NFIX: variants seen among roughly 807,000 people sequenced by gnomAD.
NFIX encodes nuclear factor I X.
A neutral mutation model predicts 53.3 loss-of-function variants in NFIX; 2 were observed. The observed-to-expected ratio is 0.04, with a 90% CI of 0.02 to 0.12. The LOEUF (loss-of-function observed/expected upper bound fraction) is 0.12, where lower values mean the gene tolerates loss of function less well. NFIX is among the 10% of genes least tolerant of loss of function. NFIX has a pLI of 1.00. For missense variants in NFIX, 310 were observed against 674.5 expected, an observed-to-expected ratio of 0.46 and a Z score of 5.99; for synonymous variants, 244 against 289.0, an observed-to-expected ratio of 0.84 and a Z score of 1.58.
In NFIX at chr19:12,998,175, T is replaced by C. The variant is rs1338355476; in HGVS notation, c.27+2311T>C. Among the ~76,000 whole-genome samples, 2 of 152,176 alleles carry C rather than the reference T, an allele frequency of 1.3e-5. No homozygotes were observed. Among genetic ancestry groups the C allele is most frequent in the Non-Finnish European group, 2.9e-5 (2 of 68,038 alleles). ...TCGGTCTCTGGTGTATTCTGCCCTT[T>C]TCCATCTCTCTTTCTCCATCTCTGT... is the stretch of plus-strand genomic sequence containing the variant. On this transcript the variant is annotated intron_variant, in intron 1 of 10. Transcript: ENST00000592199. The surrounding 1 kb of genome is among the most constrained non-coding windows in gnomAD (Gnocchi z 4.4).
chr19:13,061,253 C>A (rs1401545490), intron 2 of NFIX, among the ~76,000 whole-genome samples: 1 of 152,232 alleles, frequency 6.6e-6, no homozygotes, highest in Non-Finnish European at 1.5e-5. Flanking sequence ...AGTCCCCTTT[C>A]CATCCGGCCC....
At chr19:13,042,064 ATTT>A (rs34720058) in intron 2 of NFIX, among the ~76,000 whole-genome samples, 4 of 138,548 alleles carry the variant, frequency 2.9e-5, no homozygotes, top group Admixed American at 7.1e-5. Context: ...CACCTGGCTA[ATTT>A]TTTTTTTTTT....
Position 13,001,614 on chromosome 19 carries a change from TCACA to T in NFIX, c.27+5754_27+5757del, listed in dbSNP as rs1225188502. Among the ~76,000 whole-genome samples the T allele has an allele frequency of 6.6e-6, 1 of 152,192 alleles. No homozygotes were observed. The highest frequency in any genetic ancestry group is 1.5e-5 in the Non-Finnish European group (1 of 68,020). ...ACGGCAAAGAGTGTATCCGTGTGTC[TCACA>T]CACGTGTTGGCCTGTCCGTGTCAAC... On this transcript the variant is annotated intron_variant, in intron 1 of 10. Transcript: ENST00000592199. The surrounding 1 kb of genome is among the most constrained non-coding windows in gnomAD (Gnocchi z 6.5).
At chr19:13,000,419 TGGA>T (rs1386319458) in intron 1 of NFIX, among the ~76,000 whole-genome samples, 2 of 151,776 alleles carry the variant, frequency 1.3e-5, no homozygotes, top group South Asian at 2.1e-4. Flanking sequence ...GTGGACTGCC[TGGA>T]GGAGGAGGAG....
chr19:13,025,607 G>T lies in NFIX; in HGVS notation c.559+55G>T. On this transcript the variant is annotated intron_variant, in intron 2 of 10. Transcript: ENST00000592199. The surrounding 1 kb of genome is among the most constrained non-coding windows in gnomAD (Gnocchi z 7.5). ...CATTTTATTTTCCTTGCTGGCATTT[G>T]TTCTGTTTATTGTTCCTCTAATTTC... The T allele has an allele frequency of 6.4e-7, 1 of 1,570,576 alleles. No individual in the cohort carries two copies. The highest frequency in any genetic ancestry group is 8.6e-7 in the Non-Finnish European group (1 of 1,160,160).
intron 2 of NFIX, among the ~76,000 whole-genome samples, chr19:13,059,794 T>C (rs2015950387): frequency 7.2e-6 from 1 of 137,988 alleles, no homozygotes; most frequent in East Asian, 2.1e-4. Flanking sequence ...TTTTTTTTTT[T>C]TTTTTTTGAG....
rs1478983220 is a variant in NFIX, at chr19:13,002,368, C to G, written c.27+6504C>G. ...TCACTAAAGGAAGAAGGGCTAGCTC[C>G]CCAACCCCCCCTTCCTCACCACCTC... On this transcript the variant is annotated intron_variant, in intron 1 of 10. Transcript: ENST00000592199. This position sits in a 1 kb window ranked among gnomAD's most constrained non-coding sequence, Gnocchi z 6.1. 6.6e-6 allele frequency among the ~76,000 whole-genome samples: 1 copy of G among 152,030 alleles called. No individual in the cohort carries two copies. The highest frequency in any genetic ancestry group is 1.5e-5 in the Non-Finnish European group (1 of 67,962).
Position 12,998,053 on chromosome 19 carries a change from G to GT in NFIX, c.27+2194dup, listed in dbSNP as rs1235976469. ...GCCCCTCCCTAACAATCACATCTCT[G>GT]TTTTTACAAATCTTTCTGCTTCCAT... On this transcript the variant is annotated intron_variant, in intron 1 of 10. Transcript: ENST00000592199. The surrounding 1 kb of genome is among the most constrained non-coding windows in gnomAD (Gnocchi z 4.4). 6.6e-6 allele frequency among the ~76,000 whole-genome samples: 1 copy of GT among 152,120 alleles called. No homozygotes were observed. The highest frequency in any genetic ancestry group is 2.4e-5 in the African/African-American group (1 of 41,430).
In NFIX at chr19:13,090,214, C is replaced by T. The variant is rs983274779; in HGVS notation, c.1403-85C>T. 11 of 1,281,198 alleles carry T rather than the reference C, an allele frequency of 8.6e-6. No individual in the cohort carries two copies. The highest frequency in any genetic ancestry group is 1.5e-5 in the African/African-American group (1 of 68,268). The allele number at this position is 1,281,198 out of a possible 1,614,324, so 79.4% of individuals were successfully genotyped here. A position where few individuals can be genotyped will look rare whatever the true frequency, so the allele number is the denominator to read the frequency against. ...GCAGCATGGTCTAACTCAGTCTCTC[C>T]CTCTCTCAGCAGCCCCGAGGGGCAG... On this transcript the variant is annotated intron_variant, in intron 9 of 10. Transcript: ENST00000592199. This position sits in a 1 kb window ranked among gnomAD's most constrained non-coding sequence, Gnocchi z 6.6.
intron 5 of NFIX, 128 bp from the exon 6 acceptor site, chr19:13,075,407 C>G: frequency 9.8e-7 from 1 of 1,022,628 alleles, no homozygotes; most frequent in South Asian, 1.7e-5. Flanking sequence ...CCCAGAAATG[C>G]TGCTGTCGGC....
At chr19:13,010,692 C>T (rs571953563) in intron 1 of NFIX, among the ~76,000 whole-genome samples, 3 of 152,356 alleles carry the variant, frequency 2.0e-5, no homozygotes, top group African/African-American at 7.2e-5. Context: ...TCCGTGAGCC[C>T]GCTCTGGTGC....
At position 13,088,833 on chromosome 19, in the gene NFIX, C is replaced by G. The variant is rs2017959498; in HGVS notation, c.1402+697C>G. 6.6e-6 allele frequency among the ~76,000 whole-genome samples: 1 copy of G among 152,092 alleles called. No individual in the cohort carries two copies. The highest frequency in any genetic ancestry group is 1.5e-5 in the Non-Finnish European group (1 of 68,012). On this transcript the variant is annotated intron_variant, in intron 9 of 10. Transcript: ENST00000592199. The surrounding 1 kb of genome is among the most constrained non-coding windows in gnomAD (Gnocchi z 5.9). ...GCTTACTTCATCTCTCTCTCTGTCT[C>G]TCTTTCTTTTCTTTTCTTTTCTTTT... is the stretch of plus-strand genomic sequence containing the variant.
chr19:13,064,670 C>T (rs890702202), intron 2 of NFIX, among the ~76,000 whole-genome samples: 1 of 152,200 alleles, frequency 6.6e-6, no homozygotes, highest in Admixed American at 6.5e-5. Context: ...TGGGTCAAGA[C>T]ACCAAAAACT....
rs1433964063 is a variant in NFIX, at chr19:13,088,556, C to T, written c.1402+420C>T. ...TGTTGTTTCGTTGTTCCCCCCACAC[C>T]AAGAAAATCAAATGTAACCACAAGG... On this transcript the variant is annotated intron_variant, in intron 9 of 10. Coordinates refer to ENST00000592199, the MANE Select transcript of NFIX (RefSeq NM_001365902.3). This position sits in a 1 kb window ranked among gnomAD's most constrained non-coding sequence, Gnocchi z 5.9. Among the ~76,000 whole-genome samples the T allele has an allele frequency of 6.6e-6, 1 of 151,646 alleles. No homozygotes were observed. The highest frequency in any genetic ancestry group is 2.4e-5 in the African/African-American group (1 of 41,256).
Position 13,027,617 on chromosome 19 carries a change from T to TTG in NFIX, c.559+2067_559+2068dup, listed in dbSNP as rs2013471582. Among the ~76,000 whole-genome samples, 1 of 152,114 alleles carries TTG rather than the reference T, an allele frequency of 6.6e-6. No individual in the cohort carries two copies. The highest frequency in any genetic ancestry group is 2.1e-4 in the South Asian group (1 of 4,818). On this transcript the variant is annotated intron_variant, in intron 2 of 10. Transcript: ENST00000592199. This position sits in a 1 kb window ranked among gnomAD's most constrained non-coding sequence, Gnocchi z 4.3. ...CTCTGACTGGATCCTTGTAGCTGAG[T>TTG]TGTTTCCCTGGCCTCTTTTATTTTA...
chr19:13,059,979 G>T (rs1764695256), intron 2 of NFIX, among the ~76,000 whole-genome samples: 1 of 151,898 alleles, frequency 6.6e-6, no homozygotes. Flanking sequence ...TAGAGACGGG[G>T]TTTCACCATT....
intron 1 of NFIX, among the ~76,000 whole-genome samples, chr19:13,020,362 C>T (rs967591212): frequency 5.9e-5 from 9 of 152,128 alleles, no homozygotes; most frequent in East Asian, 1.9e-4. Flanking sequence ...TAATGGAACC[C>T]GAGCAATTCC....
chr19:13,069,584 CAG>C (rs778343048), intron 2 of NFIX, among the ~76,000 whole-genome samples: 210 of 152,230 alleles, frequency 1.4e-3, no homozygotes, highest in Non-Finnish European at 2.5e-3. Flanking sequence ...ACCCCGGGCT[CAG>C]GGGCGAGGAG....
At chr19:13,074,088 C>T (rs2145435552) in intron 5 of NFIX, 62 bp downstream of exon 5, 6 of 1,602,218 alleles carry the variant, frequency 3.7e-6, no homozygotes, top group Non-Finnish European at 5.1e-6. Context: ...AGGGCCGTCC[C>T]AGTGGCTATA....
Sources: allele counts gnomAD v4.1 joint callset (sites outside exome capture counted in the v4.1 genomes callset), GRCh38; gene constraint gnomAD v4.1.1; non-coding constraint Gnocchi (gnomAD v3.1); transcripts MANE v1.5; gene names NCBI Gene and HGNC (gene_info 2026-07-23, HGNC 2026-07-21).